CDK15: variants seen among roughly 807,000 people sequenced by gnomAD.
CDK15 encodes the protein cyclin dependent kinase 15, also known as cyclin-dependent kinase 15.
CDK15 carries 62 observed loss-of-function variants against 60.3 expected under a neutral mutation model. The observed-to-expected ratio is 1.03, with a 90% CI of 0.84 to 1.27. CDK15 has a LOEUF of 1.27. Among genes scored for constraint, CDK15 ranks in the 50% most tolerant of loss-of-function variants. The probability of loss-of-function intolerance (pLI) is 0.00; values close to 1 mark genes in which losing one functional copy is unlikely to be tolerated. For synonymous variants in CDK15, 194 were observed against 195.7 expected, an observed-to-expected ratio of 0.99 and a Z score of 0.07; for missense variants, 541 against 527.8, an observed-to-expected ratio of 1.03 and a Z score of -0.25.
intron 9 of CDK15, among the ~76,000 whole-genome samples, chr2:201,852,409 T>C (rs1197321511): frequency 6.6e-6 from 1 of 152,250 alleles, no homozygotes; most frequent in African/African-American, 2.4e-5. Flanking sequence ...TGAGTCTCTA[T>C]TTTACTATTT....
chr2:201,807,560 C>T lies in CDK15; in HGVS notation c.190C>T (p.Arg64Cys), dbSNP rs34776344. ...TCACCCCAGGGGACTTCAAGCTGCC[C>T]GTGCCCAGAAGTTCAAGAGTAAAAG... Reference protein sequence around the residue: ...SFHPRGLQAARAQKFKSKRPR... With the variant: ...SFHPRGLQAACAQKFKSKRPR... The change falls in exon 2 of 14, where the codon CGT (arginine) becomes TGT (cysteine). Residue 64 changes from arginine (R) to cysteine (C), a missense_variant. Coordinates refer to ENST00000652192, the MANE Select transcript of CDK15 (RefSeq NM_001366386.2). 169 of 1,614,098 alleles carry T rather than the reference C, an allele frequency of 1.0e-4. No homozygotes were observed. The highest frequency in any genetic ancestry group is 9.7e-4 in the Admixed American group (58 of 60,004).
chr2:201,826,458 CAAAAAAA>C (rs373198183), intron 6 of CDK15, among the ~76,000 whole-genome samples: 11 of 78,204 alleles, frequency 1.4e-4, no homozygotes, highest in Non-Finnish European at 2.2e-4. Context: ...GACTGCGTCT[CAAAAAAA>C]AAAAAAAAAA....
At chr2:201,880,973 G>A (rs1353143454) in intron 12 of CDK15, among the ~76,000 whole-genome samples, 1 of 152,200 alleles carries the variant, frequency 6.6e-6, no homozygotes, top group East Asian at 1.9e-4. Flanking sequence ...AGAAGAGAGA[G>A]AAGCAGCCAG....
intron 9 of CDK15, 110 bp downstream of exon 9, chr2:201,847,584 CTA>C: frequency 1.2e-6 from 1 of 868,752 alleles, no homozygotes; most frequent in Non-Finnish European, 1.8e-6. Flanking sequence ...ATATTAAGCC[CTA>C]TATTAAGATT....
intron 4 of CDK15, among the ~76,000 whole-genome samples, chr2:201,814,993 C>G (rs917562384): frequency 6.6e-6 from 1 of 150,734 alleles, no homozygotes; most frequent in Non-Finnish European, 1.5e-5. Context: ...CTCTTGTTGC[C>G]CAGGCTGGAG....
At chr2:201,854,679 A>G in intron 9 of CDK15, 195 bp from the exon 10 acceptor site, 2 of 578,810 alleles carry the variant, frequency 3.5e-6, no homozygotes, top group Middle Eastern at 4.6e-4. Context: ...AATGTATTAC[A>G]GTTTTGCCCA....
chr2:201,887,365 A>G (rs1262697390), intron 12 of CDK15, among the ~76,000 whole-genome samples: 1 of 152,216 alleles, frequency 6.6e-6, no homozygotes, highest in Non-Finnish European at 1.5e-5. Context: ...GGGGGGTTGT[A>G]GGTCATTTCT....
intron 11 of CDK15, among the ~76,000 whole-genome samples, chr2:201,875,574 A>C (rs1699045841): frequency 6.6e-6 from 1 of 152,240 alleles, no homozygotes; most frequent in African/African-American, 2.4e-5. Context: ...CTCAGATAGG[A>C]GTCTAGCTCT....
At chr2:201,886,745 C>G (rs1363166351) in intron 12 of CDK15, among the ~76,000 whole-genome samples, 1 of 152,044 alleles carries the variant, frequency 6.6e-6, no homozygotes, top group Non-Finnish European at 1.5e-5. Context: ...GCAATTTATG[C>G]AAGAGGAAAC....
At chr2:201,861,630 G>A (rs1698402923) in intron 10 of CDK15, 5 of 690,944 alleles carry the variant, frequency 7.2e-6, no homozygotes, top group Non-Finnish European at 8.8e-6. Flanking sequence ...GCATGATCTC[G>A]GCTCACCGCA....
intron 6 of CDK15, among the ~76,000 whole-genome samples, chr2:201,832,778 C>T (rs1696816157): frequency 6.6e-6 from 1 of 152,210 alleles, no homozygotes; most frequent in African/African-American, 2.4e-5. Flanking sequence ...CTGGTCCTAG[C>T]ATCTCTGAAA....
intron 8 of CDK15, among the ~76,000 whole-genome samples, chr2:201,845,158 GA>G (rs10709292): frequency 0.74 from 111,260 of 149,580 alleles, 41,783 homozygotes; most frequent in Middle Eastern, 0.82. Context: ...CAAAAAAAAA[GA>G]AAAAAAAAAA....
chr2:201,855,154 T>C (rs1698091373), intron 10 of CDK15, among the ~76,000 whole-genome samples: 1 of 152,188 alleles, frequency 6.6e-6, no homozygotes, highest in African/African-American at 2.4e-5. Context: ...AAAACACAAG[T>C]AGCAAGCTGA....
Position 201,880,137 on chromosome 2 carries a change from C to T in CDK15, c.1168C>T (p.Leu390=), listed in dbSNP as rs1321952810. Residue 390 remains leucine, a synonymous_variant, in exon 12 of 14, where the codon CTG becomes TTG. Transcript: ENST00000652192. ...ACTTGTTCATGATTATTTCAGCGCC[C>T]TGCCATCTCAGCTGTACCAGCTTCC... ...EALVHDYFSA[L]PSQLYQLPDE... 6.2e-7 allele frequency: 1 copy of T among 1,614,044 alleles called. No homozygotes were observed. The highest frequency in any genetic ancestry group is 1.7e-5 in the Admixed American group (1 of 60,016).
chr2:201,854,843 C>T (rs781387700), intron 9 of CDK15, 31 bp from the exon 10 acceptor site: 4 of 1,606,458 alleles, frequency 2.5e-6, no homozygotes, highest in South Asian at 2.2e-5. Flanking sequence ...CCCCACCTCA[C>T]CTTTCTTTTT....
At chr2:201,845,246 C>T (rs953865332) in intron 8 of CDK15, among the ~76,000 whole-genome samples, 7 of 151,916 alleles carry the variant, frequency 4.6e-5, no homozygotes, top group Non-Finnish European at 1.0e-4. Flanking sequence ...ATTTTTTAAA[C>T]AAAACTCTAA....
At position 201,894,327 on chromosome 2, in the gene CDK15, C is replaced by T. The variant is rs916302978; in HGVS notation, c.*1060C>T. On this transcript the variant is annotated 3_prime_UTR_variant, in exon 14 of 14. Transcript: ENST00000652192. ...TAATTAAAAAATAGTAACTATCCCC[C>T]AATGTCTGAGATGGAAAAAGGAAAA... is the stretch of plus-strand genomic sequence containing the variant. 1.3e-5 allele frequency: 2 copies of T among 152,130 alleles called. No homozygotes were observed. Among genetic ancestry groups the T allele is most frequent in the Non-Finnish European group, 2.9e-5 (2 of 68,018 alleles). The allele number at this position is 152,130 out of a possible 1,614,324, so 9.4% of individuals were successfully genotyped here.
chr2:201,889,565 T>A, intron 12 of CDK15: 1 of 328,802 alleles, frequency 3.0e-6, no homozygotes, highest in Non-Finnish European at 4.4e-6. Flanking sequence ...TTGGAGGAAC[T>A]GGCTTGTAGC....
At chr2:201,806,455 T>C (rs1462525086), upstream of CDK15, 2 of 423,698 alleles carry the variant, frequency 4.7e-6, no homozygotes, top group Admixed American at 7.6e-5. Context: ...TGTGCACATC[T>C]GAATGCAAGC....
Sources: gnomAD v4.1 joint callset for allele counts (sites outside exome capture counted in the v4.1 genomes callset) on GRCh38, gnomAD v4.1.1 for gene constraint, MANE v1.5 for transcripts, NCBI Gene and HGNC (gene_info 2026-07-23, HGNC 2026-07-21) for gene names.